The following AP3D1 variants were observed in gnomAD, a reference collection of about 807,000 sequenced individuals.
AP3D1 encodes the protein AP-3 complex subunit delta-1.
In AP3D1, 51 loss-of-function variants were observed where a neutral mutation model predicts 147.6. The ratio of observed to expected loss-of-function variants is 0.35; its 90% CI spans 0.28 to 0.44. The LOEUF (loss-of-function observed/expected upper bound fraction) is 0.44, where lower values mean the gene tolerates loss of function less well. AP3D1 is among the 20% of genes least tolerant of loss of function. The pLI is 1.00. For synonymous variants in AP3D1, 760 were observed against 663.0 expected, an observed-to-expected ratio of 1.15 and a Z score of -2.25; for missense variants, 1,421 against 1,624.2, an observed-to-expected ratio of 0.87 and a Z score of 2.15.
chr19:2,150,539 C>G (rs1002934109), intron 1 of AP3D1, among the ~76,000 whole-genome samples: 1 of 152,244 alleles, frequency 6.6e-6, no homozygotes, highest in Non-Finnish European at 1.5e-5. Flanking sequence ...TTCCCGCAAG[C>G]TGCTACCTCA....
At chr19:2,117,979 G>A (rs1414540228) in intron 15 of AP3D1, among the ~76,000 whole-genome samples, 1 of 152,188 alleles carries the variant, frequency 6.6e-6, no homozygotes, top group Non-Finnish European at 1.5e-5. Flanking sequence ...GGCCAACAAG[G>A]TGAAACTCCG....
intron 1 of AP3D1, among the ~76,000 whole-genome samples, chr19:2,140,755 CTTTTTTTT>C (rs71176516): frequency 9.3e-6 from 1 of 107,214 alleles, no homozygotes; most frequent in African/African-American, 3.4e-5. Flanking sequence ...ACACAAACGT[CTTTTTTTT>C]TTTTTTTTTT....
chr19:2,159,340 T>A (rs796878533), intron 1 of AP3D1, among the ~76,000 whole-genome samples: 1 of 151,154 alleles, frequency 6.6e-6, no homozygotes, highest in South Asian at 2.1e-4. Context: ...TGCCTCAGCC[T>A]CCCGAGCAGC....
chr19:2,132,992 A>G (rs1483741120), intron 4 of AP3D1, among the ~76,000 whole-genome samples: 1 of 152,208 alleles, frequency 6.6e-6, no homozygotes, highest in African/African-American at 2.4e-5. Flanking sequence ...CTCCTGGGAC[A>G]GAGGCGCCTG....
At chr19:2,119,315 C>T (rs1158388355) in intron 14 of AP3D1, among the ~76,000 whole-genome samples, 1 of 152,128 alleles carries the variant, frequency 6.6e-6, no homozygotes, top group East Asian at 1.9e-4. Flanking sequence ...TCCCAGCACT[C>T]TGGGAGGCCG....
intron 31 of AP3D1, 43 bp from the exon 32 acceptor site, chr19:2,102,311 GGGC>G: frequency 6.5e-7 from 1 of 1,546,152 alleles, no homozygotes; most frequent in Non-Finnish European, 8.9e-7. Flanking sequence ...GTGTGTGCAG[GGGC>G]TAGGCACGGT....
intron 1 of AP3D1, among the ~76,000 whole-genome samples, chr19:2,157,258 C>T (rs1328206169): frequency 5.3e-5 from 8 of 150,996 alleles, no homozygotes; most frequent in Non-Finnish European, 1.0e-4. Flanking sequence ...CCGGCTAAAA[C>T]GGTGAAACCC....
intron 31 of AP3D1, among the ~76,000 whole-genome samples, chr19:2,103,369 C>A (rs1184552848): frequency 6.6e-6 from 1 of 152,054 alleles, no homozygotes; most frequent in East Asian, 1.9e-4. Flanking sequence ...GACCAGAATC[C>A]GAAGAGCTCC....
chr19:2,151,246 T>A lies in AP3D1; in HGVS notation c.89A>T (p.Glu30Val), dbSNP rs1217141251. The change falls in exon 1 of 32, where the codon GAG (glutamate) becomes GTG (valine). Residue 30 changes from glutamate (E) to valine (V), a missense_variant. This residue lies in a region of AP3D1 where 292 missense variants were observed against 412.0 expected (regional missense o/e 0.71). Coordinates refer to ENST00000643116, the MANE Select transcript of AP3D1 (RefSeq NM_001261826.3). ...DLVRGIRNHK[E>V]DEAKYISQCI... ...TTGGCGCGCCGGGCTCACCTCGTCC[T>A]CCTTGTGGTTACGGATGCCGCGGAC... 6.2e-7 allele frequency: 1 copy of A among 1,610,942 alleles called. No homozygotes were observed. Among genetic ancestry groups the A allele is most frequent in the Non-Finnish European group, 8.5e-7 (1 of 1,178,498 alleles).
At chr19:2,164,120 C>T in intron 1 of AP3D1, 1 of 624,042 alleles carries the variant, frequency 1.6e-6, no homozygotes, top group Non-Finnish European at 2.1e-6. Flanking sequence ...CTCCTCCGCC[C>T]ACCGGCGGCC....
intron 1 of AP3D1, among the ~76,000 whole-genome samples, chr19:2,161,315 C>T (rs1020303716): frequency 2.0e-5 from 3 of 151,894 alleles, no homozygotes; most frequent in Non-Finnish European, 4.4e-5. Flanking sequence ...GTGCCTGCCA[C>T]CATGCCTGGC....
At chr19:2,138,313 T>C (rs2019130129) in intron 2 of AP3D1, among the ~76,000 whole-genome samples, 1 of 152,152 alleles carries the variant, frequency 6.6e-6, no homozygotes, top group Admixed American at 6.5e-5. Context: ...GCCCAGCCTG[T>C]GGTGGGAGGG....
At chr19:2,138,793 G>A in intron 1 of AP3D1, 79 bp from the exon 2 acceptor site, 4 of 1,027,652 alleles carry the variant, frequency 3.9e-6, no homozygotes, top group Admixed American at 3.4e-5. Flanking sequence ...CAGGCACAGT[G>A]GCTCACGCCT....
Position 2,109,944 on chromosome 19 carries a change from C to T in AP3D1, c.3279G>A (p.Ala1093=), listed in dbSNP as rs752197630. Residue 1093 remains alanine (A), a synonymous_variant, in exon 29 of 32, where the codon GCG becomes GCA. Coordinates refer to ENST00000643116, the MANE Select transcript of AP3D1 (RefSeq NM_001261826.3). ...LSFIAKNDEG[A]THEKLDFRLH... ...GCCTGAAGTCCAGCTTCTCGTGGGT[C>T]GCACCCTCGTCATTCTGCGGTGGAG... is the stretch of plus-strand genomic sequence containing the variant. The T allele has an allele frequency of 1.4e-5, 22 of 1,613,450 alleles. No homozygotes were observed. The African/African-American group carries it at 1.7e-4, about 13-fold the overall frequency.
chr19:2,161,450 C>A (rs1264646335), intron 1 of AP3D1, among the ~76,000 whole-genome samples: 1 of 152,038 alleles, frequency 6.6e-6, no homozygotes, highest in African/African-American at 2.4e-5. Context: ...GCGTGAGTCA[C>A]CGCTCCTGGC....
At position 2,123,408 on chromosome 19, in the gene AP3D1, T is replaced by A; in HGVS notation, c.907-2A>T. The A allele has an allele frequency of 1.2e-6, 2 of 1,613,658 alleles. No homozygotes were observed. Among genetic ancestry groups the A allele is most frequent in the Non-Finnish European group, 1.7e-6 (2 of 1,179,906 alleles). On this transcript the variant is annotated splice_acceptor_variant, in intron 10 of 31. Transcript: ENST00000643116. LOFTEE classifies it high-confidence loss of function. Reference sequence around the variant, plus strand: ...TATCCTTAATTTCTGAACACAAAGCTGAAAAGAAGAAAAAAACGATGCTGG... The same window carrying A: ...TATCCTTAATTTCTGAACACAAAGCAGAAAAGAAGAAAAAAACGATGCTGG...
intron 10 of AP3D1, 40 bp downstream of exon 10, chr19:2,123,789 CA>C: frequency 6.4e-7 from 1 of 1,550,926 alleles, no homozygotes; most frequent in Non-Finnish European, 8.7e-7. Context: ...GTGGCCTCTG[CA>C]GTGTGGGACC....
chr19:2,132,417 C>G (rs1254510033), intron 5 of AP3D1, 54 bp downstream of exon 5: 3 of 1,514,930 alleles, frequency 2.0e-6, no homozygotes, highest in Non-Finnish European at 2.7e-6. Flanking sequence ...CCACTTTGAC[C>G]GAGTTTTTCC....
At chr19:2,150,321 C>T (rs1048885881) in intron 1 of AP3D1, among the ~76,000 whole-genome samples, 2 of 152,164 alleles carry the variant, frequency 1.3e-5, no homozygotes, top group African/African-American at 4.8e-5. Flanking sequence ...TTCTAAGGCT[C>T]CCACTGCCCA....
Sources: allele counts gnomAD v4.1 joint callset (sites outside exome capture counted in the v4.1 genomes callset), GRCh38; gene constraint gnomAD v4.1.1; regional missense constraint gnomAD v4.1.1; transcripts MANE v1.5; gene names NCBI Gene and HGNC (gene_info 2026-07-23, HGNC 2026-07-21).